DOCK1: variants seen among roughly 807,000 people sequenced by gnomAD.
DOCK1 encodes dedicator of cytokinesis protein 1.
Under a neutral mutation model 262.7 loss-of-function variants are expected in DOCK1, and 138 were observed. The observed-to-expected ratio is 0.53, with a 90% CI of 0.46 to 0.61. DOCK1 has a LOEUF of 0.61. DOCK1 is among the 20% of genes least tolerant of loss of function. The pLI is 0.00. For missense variants in DOCK1, 1,908 were observed against 2,370.7 expected, an observed-to-expected ratio of 0.80 and a Z score of 4.05; for synonymous variants, 866 against 867.4, an observed-to-expected ratio of 1.00 and a Z score of 0.03.
At chr10:127,041,821 G>A (rs1212729247) in intron 19 of DOCK1, among the ~76,000 whole-genome samples, 1 of 152,146 alleles carries the variant, frequency 6.6e-6, no homozygotes, top group Non-Finnish European at 1.5e-5. Flanking sequence ...TGATAGATCA[G>A]TACTTCATCA....
At chr10:127,111,488 G>C (rs1173849854) in intron 25 of DOCK1, among the ~76,000 whole-genome samples, 2 of 152,110 alleles carry the variant, frequency 1.3e-5, no homozygotes, top group African/African-American at 4.8e-5. Context: ...GCTCCATTGA[G>C]CTATTATTCC....
intron 1 of DOCK1, among the ~76,000 whole-genome samples, chr10:126,967,300 A>G (rs1383118958): frequency 6.6e-6 from 1 of 152,128 alleles, no homozygotes; most frequent in Non-Finnish European, 1.5e-5. Flanking sequence ...AATCAGAATA[A>G]AGGATAGCCT....
intron 32 of DOCK1, among the ~76,000 whole-genome samples, chr10:127,354,965 G>A (rs2064068492): frequency 6.6e-6 from 1 of 152,250 alleles, no homozygotes; most frequent in African/African-American, 2.4e-5. Flanking sequence ...ACCCTCTTGT[G>A]TTGTGTGGAC....
chr10:127,218,793 C>G (rs1356846563), intron 27 of DOCK1, among the ~76,000 whole-genome samples: 1 of 152,104 alleles, frequency 6.6e-6, no homozygotes, highest in Non-Finnish European at 1.5e-5. Context: ...TTATAAAGAA[C>G]AAAAATTTGT....
At chr10:126,970,593 G>GAATGT (rs2038027002) in intron 1 of DOCK1, 109 bp from the exon 2 acceptor site, 1 of 787,688 alleles carries the variant, frequency 1.3e-6, no homozygotes, top group Non-Finnish European at 2.1e-6. Context: ...GGCAGCGACT[G>GAATGT]AATGTATTTC....
intron 38 of DOCK1, among the ~76,000 whole-genome samples, chr10:127,392,088 G>GC (rs946572996): frequency 1.3e-4 from 19 of 151,532 alleles, no homozygotes; most frequent in African/African-American, 4.6e-4. Flanking sequence ...CCCATGGTCT[G>GC]CCCCGGCGTG....
chr10:127,083,385 GA>G (rs530464865), intron 23 of DOCK1, among the ~76,000 whole-genome samples: 119 of 152,308 alleles, frequency 7.8e-4, no homozygotes, highest in African/African-American at 2.7e-3. Context: ...GGTGAGCCTT[GA>G]GGGCGTGCTT....
chr10:127,228,341 C>T (rs993708445), intron 27 of DOCK1, among the ~76,000 whole-genome samples: 4 of 152,168 alleles, frequency 2.6e-5, no homozygotes, highest in South Asian at 2.1e-4. Flanking sequence ...GTCACCCCCA[C>T]GCTGCCCGGC....
At chr10:127,158,691 G>T (rs958991201) in intron 27 of DOCK1, among the ~76,000 whole-genome samples, 1 of 152,160 alleles carries the variant, frequency 6.6e-6, no homozygotes, top group African/African-American at 2.4e-5. Flanking sequence ...ATTGTGAAAA[G>T]TTCTAGTCTT....
intron 25 of DOCK1, among the ~76,000 whole-genome samples, chr10:127,123,338 C>T (rs1164340683): frequency 2.0e-5 from 3 of 152,174 alleles, no homozygotes; most frequent in Non-Finnish European, 4.4e-5. Context: ...TGGGCCAGGG[C>T]TCTCCCCATG....
At chr10:127,121,455 ATG>A (rs59477974) in intron 25 of DOCK1, among the ~76,000 whole-genome samples, 2 of 148,358 alleles carry the variant, frequency 1.3e-5, no homozygotes, top group African/African-American at 2.5e-5. Context: ...GTATATGTAT[ATG>A]TGTGTGTGTG....
intron 1 of DOCK1, among the ~76,000 whole-genome samples, chr10:126,912,523 G>A (rs1221542065): frequency 6.6e-6 from 1 of 151,166 alleles, no homozygotes; most frequent in African/African-American, 2.4e-5. Context: ...TCAGTAGATC[G>A]AGACCCTCCC....
At chr10:127,184,691 C>T (rs895844201) in intron 27 of DOCK1, among the ~76,000 whole-genome samples, 1 of 152,188 alleles carries the variant, frequency 6.6e-6, no homozygotes, top group South Asian at 2.1e-4. Context: ...TTCCATTAAG[C>T]CATTTCCTGC....
At chr10:127,443,378 A>T (rs1222041144) in intron 49 of DOCK1, among the ~76,000 whole-genome samples, 1 of 152,182 alleles carries the variant, frequency 6.6e-6, no homozygotes, top group Non-Finnish European at 1.5e-5. Context: ...CTGGGAGAGG[A>T]GCAGGCTGAC....
intron 1 of DOCK1, among the ~76,000 whole-genome samples, chr10:126,949,263 G>T (rs1239992968): frequency 2.0e-5 from 3 of 152,130 alleles, no homozygotes; most frequent in Non-Finnish European, 4.4e-5. Flanking sequence ...CCCTCTCCCT[G>T]TGGGGAATGG....
chr10:127,108,876 T>C (rs1016635596), intron 24 of DOCK1, among the ~76,000 whole-genome samples: 2 of 152,200 alleles, frequency 1.3e-5, no homozygotes, highest in African/African-American at 4.8e-5. Flanking sequence ...CTCAATAACT[T>C]GTCCATGATA....
chr10:127,011,063 C>T (rs766012089), intron 11 of DOCK1, among the ~76,000 whole-genome samples: 3 of 152,186 alleles, frequency 2.0e-5, no homozygotes, highest in African/African-American at 7.2e-5. Context: ...TGTGCTTTGA[C>T]GCCATCTTTT....
At chr10:127,351,158 G>A (rs565644162) in intron 31 of DOCK1, among the ~76,000 whole-genome samples, 7 of 152,276 alleles carry the variant, frequency 4.6e-5, no homozygotes, top group East Asian at 1.9e-4. Flanking sequence ...TTTTATGTCC[G>A]GGTTACAGCC....
chr10:127,059,324 T>C (rs1409251430), intron 22 of DOCK1, among the ~76,000 whole-genome samples: 3 of 152,204 alleles, frequency 2.0e-5, no homozygotes, highest in Non-Finnish European at 4.4e-5. Flanking sequence ...AATTTCTGAA[T>C]TTTTTGATTG....
Sources: gnomAD v4.1 joint callset for allele counts (sites outside exome capture counted in the v4.1 genomes callset) on GRCh38, gnomAD v4.1.1 for gene constraint, MANE v1.5 for transcripts, NCBI Gene and HGNC (gene_info 2026-07-23, HGNC 2026-07-21) for gene names.